Variants in CNTRL observed in about 807,000 individuals in gnomAD.
CNTRL encodes the protein centriolin.
In CNTRL, 233 loss-of-function variants were observed where a neutral mutation model predicts 303.7. The ratio of observed to expected loss-of-function variants is 0.77; its 90% CI spans 0.69 to 0.86. The LOEUF (loss-of-function observed/expected upper bound fraction) is 0.86. Among genes scored for constraint, CNTRL ranks in the 40% least tolerant of loss-of-function variants. The probability of loss-of-function intolerance (pLI) is 0.00; values close to 1 mark genes in which losing one functional copy is unlikely to be tolerated. For synonymous variants in CNTRL, 900 were observed against 922.2 expected, an observed-to-expected ratio of 0.98 and a Z score of 0.44; for missense variants, 2,524 against 2,650.6, an observed-to-expected ratio of 0.95 and a Z score of 1.05.
chr9:121,175,653 GA>G (rs2053493052), intron 43 of CNTRL, among the ~76,000 whole-genome samples: 2 of 152,226 alleles, frequency 1.3e-5, no homozygotes. Flanking sequence ...AGGAGATTCA[GA>G]AAAATATAGA....
At position 121,155,172 on chromosome 9, in the gene CNTRL, G is replaced by A. The variant is rs562470461; in HGVS notation, c.4365+259G>A. The stretch of plus-strand genomic sequence containing the variant: ...TTCGGCATGGATTAAATAAAACAGC[G>A]TATTTAAAATTCCTGAAGTTACTTA... On this transcript the variant is annotated intron_variant, in intron 27 of 43. Coordinates refer to ENST00000373855, the MANE Select transcript of CNTRL (RefSeq NM_007018.6). Among the ~76,000 whole-genome samples, 42 of 152,238 alleles carry A rather than the reference G, an allele frequency of 2.8e-4. 2 individuals are homozygous for A. In the South Asian group the frequency reaches 8.7e-3, roughly 32 times the overall value.
chr9:121,075,563 T>C (rs913393820), intron 1 of CNTRL, among the ~76,000 whole-genome samples: 4 of 152,196 alleles, frequency 2.6e-5, no homozygotes, highest in Non-Finnish European at 4.4e-5. Flanking sequence ...ACTTCCGTTA[T>C]ATTCGTTAAG....
At position 121,157,756 on chromosome 9, in the gene CNTRL, G is replaced by T; in HGVS notation, c.4513G>T (p.Ala1505Ser). Residue 1505 changes from alanine (A) to serine (S), a missense_variant, in exon 29 of 44, where the codon GCA (alanine) becomes TCA (serine). Transcript: ENST00000373855. ...GTGCTTTAGATCGCTCCAGGCTGATGCAAAGGATTTGGAGCAGCACAAAAT... is the reference window on the plus strand; with the variant it reads ...GTGCTTTAGATCGCTCCAGGCTGATTCAAAGGATTTGGAGCAGCACAAAAT... The part of the protein sequence containing the change: ...DQQLRSLQAD[A>S]KDLEQHKIKQ... 6.2e-7 allele frequency: 1 copy of T among 1,614,154 alleles called. No homozygotes were observed. The highest frequency in any genetic ancestry group is 8.5e-7 in the Non-Finnish European group (1 of 1,180,030).
intron 12 of CNTRL, among the ~76,000 whole-genome samples, chr9:121,119,889 G>A (rs576595963): frequency 1.6e-4 from 24 of 152,140 alleles, no homozygotes; most frequent in Admixed American, 5.2e-4. Context: ...TCCACTGAAC[G>A]TATTTGTTTT....
Position 121,173,745 on chromosome 9 carries a change from T to C in CNTRL, c.6747+8T>C. 6.2e-7 allele frequency: 1 copy of C among 1,613,856 alleles called. No individual in the cohort carries two copies. Among genetic ancestry groups the C allele is most frequent in the Non-Finnish European group, 8.5e-7 (1 of 1,179,792 alleles). ...CGGGAAGACCGACTCAAGGTTGCCC[T>C]TTAAAACAAACAAAAAATCAGTATG... On this transcript the variant is annotated splice_region_variant and intron_variant, in intron 42 of 43. Transcript: ENST00000373855.
intron 14 of CNTRL, among the ~76,000 whole-genome samples, chr9:121,134,416 A>T (rs952903941): frequency 2.6e-5 from 4 of 151,874 alleles, no homozygotes; most frequent in African/African-American, 9.7e-5. Context: ...TCAGCCTCCT[A>T]AGTAGCTGGG....
chr9:121,075,128 C>T (rs1437158369), intron 1 of CNTRL, 61 bp downstream of exon 1: 4 of 354,222 alleles, frequency 1.1e-5, no homozygotes, highest in African/African-American at 2.2e-5. Flanking sequence ...TGGGGGCCGG[C>T]GGCAAAGGCG....
chr9:121,151,936 A>G (rs556982868), intron 25 of CNTRL: 4 of 154,634 alleles, frequency 2.6e-5, no homozygotes, highest in Admixed American at 2.5e-4. Flanking sequence ...TTTCTTGCAC[A>G]TTGTAATTTG....
chr9:121,108,399 C>T (rs1240647043), intron 8 of CNTRL, among the ~76,000 whole-genome samples: 1 of 152,062 alleles, frequency 6.6e-6, no homozygotes, highest in Non-Finnish European at 1.5e-5. Flanking sequence ...CGTTACTCAG[C>T]CCATTGAAAA....
chr9:121,090,893 T>A (rs190326422), intron 4 of CNTRL, among the ~76,000 whole-genome samples: 2 of 152,310 alleles, frequency 1.3e-5, no homozygotes, highest in East Asian at 3.9e-4. Context: ...GGACTTACAG[T>A]TTCACGTGGC....
chr9:121,148,550 G>A (rs1286769117), intron 23 of CNTRL, 122 bp from the exon 24 acceptor site: 2 of 870,418 alleles, frequency 2.3e-6, no homozygotes, highest in Non-Finnish European at 3.5e-6. Context: ...TAAGGATAAT[G>A]AAAAGAAGCC....
chr9:121,165,069 C>T lies in CNTRL; in HGVS notation c.5550C>T (p.Asn1850=), dbSNP rs775141369. Residue 1850 remains asparagine, a synonymous_variant, in exon 35 of 44, where the codon AAC becomes AAT. Coordinates refer to ENST00000373855, the MANE Select transcript of CNTRL (RefSeq NM_007018.6). Reference sequence around the variant, plus strand: ...ACAGAGACAAGTTGTCACTGCATAACGACATTTCAGCAATGCAACAGCAGC... The same window carrying T: ...ACAGAGACAAGTTGTCACTGCATAATGACATTTCAGCAATGCAACAGCAGC... ...QLNRDKLSLH[N]DISAMQQQLQ... is the part of the protein sequence containing the mutation. 5.5e-5 allele frequency: 88 copies of T among 1,597,594 alleles called. No individual in the cohort carries two copies. Among genetic ancestry groups the T allele is most frequent in the Middle Eastern group, 1.7e-4 (1 of 6,060 alleles).
intron 7 of CNTRL, among the ~76,000 whole-genome samples, chr9:121,100,491 C>G (rs1402427612): frequency 1.3e-5 from 2 of 152,218 alleles, no homozygotes; most frequent in Non-Finnish European, 2.9e-5. Flanking sequence ...AAGGAAGAAA[C>G]TGCATCAAGT....
intron 27 of CNTRL, among the ~76,000 whole-genome samples, chr9:121,157,216 A>C (rs1192385347): frequency 6.6e-6 from 1 of 152,204 alleles, no homozygotes; most frequent in East Asian, 1.9e-4. Context: ...GCTACACAGT[A>C]TTCCACTTTG....
In CNTRL at chr9:121,140,629, C is replaced by T. The variant is rs1410739713; in HGVS notation, c.2338-12C>T. On this transcript the variant is annotated splice_polypyrimidine_tract_variant and intron_variant, in intron 16 of 43. Transcript: ENST00000373855. ...ATGTAATAGATAATCCCTATTTCAT[C>T]CCCCTCCATAGGATGACAATAATCT... The T allele has an allele frequency of 3.8e-6, 6 of 1,596,260 alleles. No homozygotes were observed. Among genetic ancestry groups the T allele is most frequent in the South Asian group, 1.1e-5 (1 of 88,722 alleles).
intron 40 of CNTRL, among the ~76,000 whole-genome samples, chr9:121,172,727 A>G (rs75010357): frequency 0.025 from 3,809 of 152,368 alleles, 77 homozygotes; most frequent in Middle Eastern, 0.044. Context: ...TTTATAATCC[A>G]GATCACTTAT....
At position 121,168,356 on chromosome 9, in the gene CNTRL, G is replaced by A. The variant is rs1360695123; in HGVS notation, c.6070+35G>A. The A allele has an allele frequency of 2.5e-6, 4 of 1,575,082 alleles. No homozygotes were observed. The East Asian group carries it at 6.7e-5, about 26-fold the overall frequency. ...CTGGAACTTCTCACTGGGAGATGGGGTATGGATTGGCTCTGCTGGTTGTCT... is the reference window on the plus strand; with the variant it reads ...CTGGAACTTCTCACTGGGAGATGGGATATGGATTGGCTCTGCTGGTTGTCT... On this transcript the variant is annotated intron_variant, in intron 38 of 43. Transcript: ENST00000373855.
intron 4 of CNTRL, among the ~76,000 whole-genome samples, chr9:121,094,303 C>T (rs1365290591): frequency 6.6e-6 from 1 of 151,998 alleles, no homozygotes; most frequent in African/African-American, 2.4e-5. Context: ...GGCCTTCTTG[C>T]TGCGTCATGA....
rs533059492 is a variant in CNTRL at position 121,175,265 on chromosome 9, G to A, written c.6954+41G>A. On this transcript the variant is annotated intron_variant, in intron 43 of 43. Coordinates refer to ENST00000373855, the MANE Select transcript of CNTRL (RefSeq NM_007018.6). ...TTTTAAAAACAAAACAATAGCCTGA[G>A]GTTGTTTTTTGTCTTTTTTGAGACA... 37 of 1,588,492 alleles carry A rather than the reference G, an allele frequency of 2.3e-5. 1 individual carries two copies. In the South Asian group the frequency reaches 3.5e-4, roughly 15 times the overall value.
Sources: gnomAD v4.1 joint callset for allele counts (sites outside exome capture counted in the v4.1 genomes callset) on GRCh38, gnomAD v4.1.1 for gene constraint, MANE v1.5 for transcripts, NCBI Gene and HGNC (gene_info 2026-07-23, HGNC 2026-07-21) for gene names.